The following MTFR1 variants were observed in gnomAD, a reference collection of about 807,000 sequenced individuals.
The protein encoded by MTFR1 is mitochondrial fission regulator 1.
In MTFR1, 28 loss-of-function variants were observed where a neutral mutation model predicts 38.8. That is an observed-to-expected ratio of 0.72 (90% CI 0.53 to 0.99). MTFR1 has a LOEUF of 0.99. Ranked by LOEUF, MTFR1 falls within the 50% of genes least tolerant of loss-of-function variation. The pLI, the probability that MTFR1 is intolerant of heterozygous loss-of-function variation, is 0.00. For synonymous variants in MTFR1, 145 were observed against 137.0 expected, an observed-to-expected ratio of 1.06 and a Z score of -0.41; for missense variants, 358 against 395.5, an observed-to-expected ratio of 0.91 and a Z score of 0.81.
intron 3 of MTFR1, among the ~76,000 whole-genome samples, chr8:65,752,377 T>C (rs1808009496): frequency 6.6e-6 from 1 of 152,226 alleles, no homozygotes; most frequent in Non-Finnish European, 1.5e-5. Flanking sequence ...CACAGCAATA[T>C]ATTTCACTCA....
intron 1 of MTFR1, among the ~76,000 whole-genome samples, chr8:65,666,482 G>A (rs1245786360): frequency 6.6e-6 from 1 of 152,176 alleles, no homozygotes; most frequent in African/African-American, 2.4e-5. Flanking sequence ...TAGTTACATG[G>A]TGTAGTGGAT....
At chr8:65,663,253 A>T (rs541181399) in intron 1 of MTFR1, among the ~76,000 whole-genome samples, 3 of 152,254 alleles carry the variant, frequency 2.0e-5, no homozygotes, top group Admixed American at 6.5e-5. Flanking sequence ...GCTCTCTGAA[A>T]CATATGCTGT....
At chr8:65,650,209 TC>T (rs1469790502) in intron 1 of MTFR1, among the ~76,000 whole-genome samples, 3 of 133,958 alleles carry the variant, frequency 2.2e-5, no homozygotes, top group African/African-American at 3.2e-5. Context: ...ATCCTTATAC[TC>T]TTTTTTTTTT....
At chr8:65,698,013 T>C (rs971885939) in intron 4 of MTFR1, among the ~76,000 whole-genome samples, 2 of 152,196 alleles carry the variant, frequency 1.3e-5, no homozygotes, top group Non-Finnish European at 2.9e-5. Flanking sequence ...TGATGAAGTC[T>C]AATTTATGTA....
chr8:65,704,322 T>C (rs1267109667), intron 4 of MTFR1, among the ~76,000 whole-genome samples: 1 of 152,194 alleles, frequency 6.6e-6, no homozygotes, highest in South Asian at 2.1e-4. Flanking sequence ...TGGGGAGATA[T>C]AGAAAGTTAA....
At chr8:65,738,152 T>TA (rs58556144) in intron 3 of MTFR1, among the ~76,000 whole-genome samples, 3 of 151,246 alleles carry the variant, frequency 2.0e-5, no homozygotes, top group Admixed American at 1.3e-4. Flanking sequence ...ATTATGTCTT[T>TA]AAAAAAAAAC....
intron 3 of MTFR1, among the ~76,000 whole-genome samples, chr8:65,736,931 G>A (rs939420391): frequency 2.0e-5 from 3 of 149,060 alleles, no homozygotes; most frequent in Non-Finnish European, 3.0e-5. Context: ...TGCCCAGGCT[G>A]GAGTGCAGTA....
At chr8:65,660,909 A>C (rs919951852) in intron 1 of MTFR1, among the ~76,000 whole-genome samples, 3 of 152,232 alleles carry the variant, frequency 2.0e-5, no homozygotes, top group African/African-American at 7.2e-5. Context: ...ATGAGCTATC[A>C]ACCATGAGAA....
chr8:65,745,461 C>A, intron 3 of MTFR1: 1 of 1,547,054 alleles, frequency 6.5e-7, no homozygotes, highest in South Asian at 1.1e-5. Flanking sequence ...CCAACTTTTT[C>A]CAGCATACAC....
chr8:65,672,914 G>A (rs1301398856), intron 2 of MTFR1, among the ~76,000 whole-genome samples: 1 of 152,150 alleles, frequency 6.6e-6, no homozygotes, highest in Non-Finnish European at 1.5e-5. Context: ...TGGCTGGTTT[G>A]ATATTTATTT....
chr8:65,710,300 A>G lies in MTFR1; in HGVS notation c.*1256A>G, dbSNP rs1300479911. 6.6e-6 allele frequency: 1 copy of G among 152,292 alleles called. No homozygotes were observed. The highest frequency in any genetic ancestry group is 1.5e-5 in the Non-Finnish European group (1 of 68,028). The allele number at this position is 152,292 out of a possible 1,614,324, so 9.4% of individuals were successfully genotyped here. Reference sequence around the variant, plus strand: ...TGCATTCTCCTAAATATTAACAAAAATGATTTGGGGAAATGACATGGCTTG... The same window carrying G: ...TGCATTCTCCTAAATATTAACAAAAGTGATTTGGGGAAATGACATGGCTTG... On this transcript the variant is annotated 3_prime_UTR_variant, in exon 8 of 8. Coordinates refer to ENST00000262146, the MANE Select transcript of MTFR1 (RefSeq NM_014637.4).
Position 65,673,462 on chromosome 8 carries a change from A to G in MTFR1, c.66+3444A>G, listed in dbSNP as rs561881752. Among the ~76,000 whole-genome samples, 7 of 151,978 alleles carry G rather than the reference A, an allele frequency of 4.6e-5. No individual in the cohort carries two copies. In the South Asian group the frequency reaches 1.5e-3, roughly 32 times the overall value. ...GGGCAAGGGAAGGGGGAGCATTAGG[A>G]CAATGCATGCGTTGTCCTGATGCAT... is the stretch of plus-strand genomic sequence containing the variant. On this transcript the variant is annotated intron_variant, in intron 2 of 7. Coordinates refer to ENST00000262146, the MANE Select transcript of MTFR1 (RefSeq NM_014637.4).
chr8:65,705,114 A>G (rs1172130741), intron 5 of MTFR1, among the ~76,000 whole-genome samples, 185 bp downstream of exon 5: 1 of 152,156 alleles, frequency 6.6e-6, no homozygotes, highest in Non-Finnish European at 1.5e-5. Context: ...TCACGAGGTC[A>G]GGAGACCGAG....
chr8:65,667,477 G>C (rs1432654541), intron 1 of MTFR1, among the ~76,000 whole-genome samples: 1 of 151,826 alleles, frequency 6.6e-6, no homozygotes, highest in Non-Finnish European at 1.5e-5. Context: ...ACCCAGGCTG[G>C]AGTTCAGTGG....
chr8:65,699,017 T>C (rs955901844), intron 4 of MTFR1, among the ~76,000 whole-genome samples: 9 of 152,186 alleles, frequency 5.9e-5, no homozygotes, highest in Admixed American at 4.6e-4. Context: ...TGTGAGCTAC[T>C]GCGCCCAGCC....
At chr8:65,748,365 G>A (rs1430474930) in intron 3 of MTFR1, among the ~76,000 whole-genome samples, 1 of 152,188 alleles carries the variant, frequency 6.6e-6, no homozygotes, top group East Asian at 1.9e-4. Context: ...GTGTTCTAAA[G>A]GATAGGGATA....
At chr8:65,661,755 G>A (rs1048231547) in intron 1 of MTFR1, among the ~76,000 whole-genome samples, 4 of 152,108 alleles carry the variant, frequency 2.6e-5, no homozygotes, top group Non-Finnish European at 5.9e-5. Flanking sequence ...CTTGAGGTCA[G>A]GAGTTCAAGA....
chr8:65,680,509 G>A (rs1804848454), intron 2 of MTFR1, among the ~76,000 whole-genome samples: 1 of 152,148 alleles, frequency 6.6e-6, no homozygotes, highest in Admixed American at 6.5e-5. Context: ...AATTGGACTT[G>A]ATTGCTAAAA....
chr8:65,693,536 CAT>C lies in MTFR1; in HGVS notation c.166-107_166-106del, dbSNP rs1486053694. 9.1e-5 allele frequency: 69 copies of C among 754,348 alleles called. 1 individual carries two copies. In the African/African-American group the frequency reaches 9.4e-4, roughly 10 times the overall value. 46.7% of individuals were successfully genotyped at this position (754,348 alleles called of 1,614,324 possible). A position where few individuals can be genotyped will look rare whatever the true frequency, so the allele number is the denominator to read the frequency against. ...TTCAGTGGAAGAGTTAGAAACCACTCATGTGTTTTTAACACCAGAGCTGACGA... is the reference window on the plus strand; with the variant it reads ...TTCAGTGGAAGAGTTAGAAACCACTCGTGTTTTTAACACCAGAGCTGACGA... On this transcript the variant is annotated intron_variant, in intron 3 of 7. Coordinates refer to ENST00000262146, the MANE Select transcript of MTFR1 (RefSeq NM_014637.4).
Sources: gnomAD v4.1 joint callset for allele counts (sites outside exome capture counted in the v4.1 genomes callset) on GRCh38, gnomAD v4.1.1 for gene constraint, MANE v1.5 for transcripts, NCBI Gene and HGNC (gene_info 2026-07-23, HGNC 2026-07-21) for gene names.